The following ODF2 variants were observed in gnomAD, a reference collection of about 807,000 sequenced individuals.
ODF2 encodes the protein outer dense fiber protein 2.
In ODF2, 47 loss-of-function variants were observed where a neutral mutation model predicts 110.2. The ratio of observed to expected loss-of-function variants is 0.43; its 90% CI spans 0.34 to 0.54. The LOEUF is 0.54. Among genes scored for constraint, ODF2 ranks in the 20% least tolerant of loss-of-function variants. The pLI is 0.03. For missense variants in ODF2, 812 were observed against 1,054.5 expected (o/e 0.77, Z 3.19); for synonymous variants, 352 against 397.7 (o/e 0.89, Z 1.37).
intron 8 of ODF2, among the ~76,000 whole-genome samples, chr9:128,474,220 C>T (rs140326268): frequency 1.3e-5 from 2 of 151,976 alleles, no homozygotes; most frequent in African/African-American, 2.4e-5. Context: ...TTAGGCTGAG[C>T]GCGGTGGATC....
chr9:128,465,961 G>A (rs1180348380), intron 4 of ODF2, among the ~76,000 whole-genome samples: 25 of 151,448 alleles, frequency 1.7e-4, no homozygotes, highest in Middle Eastern at 3.4e-3. Flanking sequence ...CCAACATGGC[G>A]AAACCCCGTC....
chr9:128,460,705 T>G (rs774672111), intron 3 of ODF2, 39 bp downstream of exon 3: 5 of 1,611,888 alleles, frequency 3.1e-6, no homozygotes, highest in Non-Finnish European at 4.2e-6. Context: ...TAGCTGTGGA[T>G]CTGGGTGATC....
intron 8 of ODF2, 109 bp from the exon 9 acceptor site, chr9:128,481,471 T>TAA (rs111998298): frequency 4.5e-3 from 2,984 of 664,164 alleles, no homozygotes; most frequent in East Asian, 8.8e-3. Flanking sequence ...AGTAAGACTC[T>TAA]AAAAAAAAAA....
At chr9:128,483,984 T>C in exon 11 of ODF2, 5 of 1,613,934 alleles carry the variant, frequency 3.1e-6, no homozygotes, top group East Asian at 2.2e-5. Flanking sequence ...ATGGAGTCCA[T>C]GCGTGGGCAT....
chr9:128,471,254 G>A (rs1189032975), intron 5 of ODF2, 54 bp from the exon 6 acceptor site: 11 of 1,543,110 alleles, frequency 7.1e-6, no homozygotes, highest in African/African-American at 1.4e-5. Flanking sequence ...CTAGCAATGT[G>A]GCATAGAGGA....
At chr9:128,499,239 T>C in intron 20 of ODF2, 113 bp downstream of exon 20, 1 of 1,296,630 alleles carries the variant, frequency 7.7e-7, no homozygotes, top group South Asian at 1.4e-5. Flanking sequence ...GACATGGTTT[T>C]ATTTTTCTCC....
chr9:128,460,542 C>T lies in ODF2; in HGVS notation c.124-400C>T. The T allele has an allele frequency of 6.2e-7, 1 of 1,613,514 alleles. No homozygotes were observed. ...ACCATTTTTGTGTTGTCCTCCCCCA[C>T]CTGCCAGAAGCCAACCATGAAGGAC... is the stretch of plus-strand genomic sequence containing the variant. On this transcript the variant is annotated intron_variant, in intron 3 of 20. Transcript: ENST00000604420.
chr9:128,476,505 C>T (rs1841290853), intron 8 of ODF2, among the ~76,000 whole-genome samples: 1 of 151,878 alleles, frequency 6.6e-6, no homozygotes, highest in African/African-American at 2.4e-5. Flanking sequence ...TCAGGCTGGT[C>T]TCGAACTCCT....
chr9:128,497,446 A>AACATATATATAT, intron 18 of ODF2: 1 of 42,596 alleles, frequency 2.3e-5, no homozygotes, highest in African/African-American at 1.5e-4. Flanking sequence ...AAAAAAAAAA[A>AACATATATATAT]ATATATATAT....
exon 21 of ODF2, chr9:128,500,167 A>G: frequency 6.2e-7 from 1 of 1,614,180 alleles, no homozygotes. Context: ...CAGTTCCTCA[A>G]ATCATCATAC....
intron 20 of ODF2, among the ~76,000 whole-genome samples, chr9:128,499,606 TTTG>T (rs2132356788): frequency 6.6e-6 from 1 of 151,852 alleles, no homozygotes; most frequent in East Asian, 1.9e-4. Context: ...CACGTTTTGT[TTTG>T]TTTTGTTTTG....
At chr9:128,481,195 G>C (rs901437726) in intron 8 of ODF2, among the ~76,000 whole-genome samples, 3 of 152,096 alleles carry the variant, frequency 2.0e-5, no homozygotes, top group Admixed American at 6.6e-5. Flanking sequence ...TTTGGGCCAG[G>C]TGTGGTGGCT....
chr9:128,484,925 A>AG lies in ODF2; in HGVS notation c.1290+41dup, dbSNP rs552302458. On this transcript the variant is annotated intron_variant, in intron 12 of 20. Transcript: ENST00000604420. Reference sequence around the variant, plus strand: ...GGTGCCCAGCTCCTCACCTGCCCTGAGGAGGGCTGGGTGATGGCAGAGGGG... The same window carrying AG: ...GGTGCCCAGCTCCTCACCTGCCCTGAGGGAGGGCTGGGTGATGGCAGAGGGG... The AG allele has an allele frequency of 1.4e-3, 2,215 of 1,531,824 alleles. 4 individuals are homozygous for AG. The highest frequency in any genetic ancestry group is 6.0e-3 in the Middle Eastern group (32 of 5,334). The allele number at this position is 1,531,824 out of a possible 1,614,324, so 94.9% of individuals were successfully genotyped here. A position where few individuals can be genotyped will look rare whatever the true frequency, so the allele number is the denominator to read the frequency against.
At chr9:128,482,765 G>T (rs373094331) in intron 9 of ODF2, 51 bp from the exon 10 acceptor site, 1 of 1,452,328 alleles carries the variant, frequency 6.9e-7, no homozygotes, top group Non-Finnish European at 9.6e-7. Flanking sequence ...TCCCTGGGCC[G>T]GGCCTCTTTG....
intron 4 of ODF2, among the ~76,000 whole-genome samples, chr9:128,464,107 A>G (rs1407921048): frequency 6.7e-6 from 1 of 148,936 alleles, no homozygotes; most frequent in East Asian, 2.0e-4. Context: ...AGCCTCCCAA[A>G]GTGCTGGGAT....
chr9:128,460,716 C>T (rs1836222405), intron 3 of ODF2, 50 bp downstream of exon 3: 1 of 1,606,756 alleles, frequency 6.2e-7, no homozygotes, highest in East Asian at 2.2e-5. Flanking sequence ...CTGGGTGATC[C>T]TGCTAAGCCC....
chr9:128,457,444 C>A (rs370902426), intron 2 of ODF2: 1 of 1,608,994 alleles, frequency 6.2e-7, no homozygotes. Flanking sequence ...CCAGGTATTG[C>A]CGATGTGGGA....
intron 10 of ODF2, 147 bp from the exon 11 acceptor site, chr9:128,483,791 C>T (rs1049891692): frequency 3.1e-5 from 21 of 670,894 alleles, no homozygotes; most frequent in African/African-American, 1.4e-4. Context: ...GAGGCTGAGG[C>T]GGGAGAATCG....
At chr9:128,464,525 A>T (rs1750806387) in intron 4 of ODF2, among the ~76,000 whole-genome samples, 1 of 151,108 alleles carries the variant, frequency 6.6e-6, no homozygotes, top group African/African-American at 2.4e-5. Flanking sequence ...TTTGAGACGG[A>T]GTCTTGTTCT....
Sources: gnomAD v4.1 joint callset for allele counts (sites outside exome capture counted in the v4.1 genomes callset) on GRCh38, gnomAD v4.1.1 for gene constraint, MANE v1.5 for transcripts, NCBI Gene and HGNC (gene_info 2026-07-23, HGNC 2026-07-21) for gene names.